Variants in EXOC6 observed in about 807,000 individuals in gnomAD.
EXOC6 encodes the protein SEC15-like 1.
Under a neutral mutation model 112.5 loss-of-function variants are expected in EXOC6, and 60 were observed. That is an observed-to-expected ratio of 0.53 (90% CI 0.43 to 0.66). The LOEUF (loss-of-function observed/expected upper bound fraction) is 0.66, where lower values mean the gene tolerates loss of function less well. EXOC6 is among the 30% of genes least tolerant of loss of function. EXOC6 has a pLI of 0.00. For synonymous variants in EXOC6, 295 were observed against 308.0 expected (o/e 0.96, Z 0.44); for missense variants, 855 against 957.1 (o/e 0.89, Z 1.41).
chr10:92,983,765 C>T (rs1364879506), intron 18 of EXOC6, among the ~76,000 whole-genome samples: 1 of 152,028 alleles, frequency 6.6e-6, no homozygotes, highest in Non-Finnish European at 1.5e-5. Flanking sequence ...CACTGGCCTC[C>T]CAAAGTGATA....
chr10:92,955,791 A>G (rs536315541), intron 17 of EXOC6, 77 bp downstream of exon 17: 2 of 1,316,192 alleles, frequency 1.5e-6, no homozygotes, highest in Non-Finnish European at 2.1e-6. Flanking sequence ...CCGTTCTTAT[A>G]TATGCAAGAT....
intron 1 of EXOC6, among the ~76,000 whole-genome samples, chr10:92,892,598 T>C (rs886901715): frequency 4.6e-5 from 7 of 152,176 alleles, no homozygotes; most frequent in Non-Finnish European, 1.0e-4. Flanking sequence ...GCCTTCCAGG[T>C]AAACAAAGAA....
At chr10:92,880,767 G>T (rs1439697872) in intron 1 of EXOC6, among the ~76,000 whole-genome samples, 1 of 151,970 alleles carries the variant, frequency 6.6e-6, no homozygotes, top group African/African-American at 2.4e-5. Flanking sequence ...TTTAAAATTA[G>T]TATTGAAGCA....
At chr10:92,902,077 CACAT>C (rs1386983114) in intron 5 of EXOC6, among the ~76,000 whole-genome samples, 1 of 150,874 alleles carries the variant, frequency 6.6e-6, no homozygotes, top group African/African-American at 2.5e-5. Context: ...TACACACACA[CACAT>C]ACACACACAC....
chr10:92,936,507 A>T lies in EXOC6; in HGVS notation c.1212+622A>T, dbSNP rs113728713. Among the ~76,000 whole-genome samples the T allele has an allele frequency of 5.6e-3, 859 of 152,336 alleles. 6 individuals carry two copies. Among genetic ancestry groups the T allele is most frequent in the African/African-American group, 0.02 (823 of 41,584 alleles). Reference sequence around the variant, plus strand: ...TTTTCTCTTTTTAAAAATAAGGAGGATTGTTTGAACCCAGGAGGTGGAGGT... The same window carrying T: ...TTTTCTCTTTTTAAAAATAAGGAGGTTTGTTTGAACCCAGGAGGTGGAGGT... On this transcript the variant is annotated intron_variant, in intron 12 of 21. Transcript: ENST00000260762.
At chr10:92,832,692 CT>C (rs11396161), upstream of EXOC6, among the ~76,000 whole-genome samples, 88 of 145,226 alleles carry the variant, frequency 6.1e-4, no homozygotes, top group Admixed American at 1.2e-3. Flanking sequence ...ACATAAAGAA[CT>C]TTTTTTTTTT....
intron 20 of EXOC6, among the ~76,000 whole-genome samples, chr10:93,038,368 G>C (rs1564930491): frequency 6.6e-6 from 1 of 152,132 alleles, no homozygotes; most frequent in Non-Finnish European, 1.5e-5. Flanking sequence ...TTTGAAAGCA[G>C]ATTGGCTACA....
At chr10:92,931,988 G>A (rs747375535) in intron 9 of EXOC6, among the ~76,000 whole-genome samples, 9 of 152,110 alleles carry the variant, frequency 5.9e-5, no homozygotes, top group Non-Finnish European at 1.0e-4. Flanking sequence ...ATATGTGAAT[G>A]TTTGTAGTAG....
At chr10:92,845,477 C>T (rs926776239), upstream of EXOC6, among the ~76,000 whole-genome samples, 7 of 145,148 alleles carry the variant, frequency 4.8e-5, no homozygotes, top group Non-Finnish European at 6.0e-5. Flanking sequence ...CGCTTGAAAG[C>T]GGGAGGCAGA....
intron 20 of EXOC6, among the ~76,000 whole-genome samples, chr10:93,036,521 G>A (rs999351452): frequency 6.6e-6 from 1 of 151,920 alleles, no homozygotes; most frequent in Non-Finnish European, 1.5e-5. Context: ...TGGACATTAT[G>A]GATTCTTTAG....
chr10:92,946,185 G>T (rs1032957817), intron 13 of EXOC6, among the ~76,000 whole-genome samples: 4 of 151,978 alleles, frequency 2.6e-5, no homozygotes, highest in Non-Finnish European at 4.4e-5. Context: ...AGTCCCAGCT[G>T]CTCAGGAGGC....
At position 92,954,681 on chromosome 10, in the gene EXOC6, C is replaced by T. The variant is rs1853595062; in HGVS notation, c.1578C>T (p.Thr526=). The change falls in exon 16 of 22, where the codon ACC becomes ACT. Residue 526 remains threonine, a synonymous_variant. Coordinates refer to ENST00000260762, the MANE Select transcript of EXOC6 (RefSeq NM_019053.6). ...GAAAATCAACAAATCTGCTGCTGACCAGAACTTTGAGTAGCTGTTTACTGA... is the reference window on the plus strand; with the variant it reads ...GAAAATCAACAAATCTGCTGCTGACTAGAACTTTGAGTAGCTGTTTACTGA... ...MLRKSTNLLL[T]RTLSSCLLNL... 2 of 1,609,636 alleles carry T rather than the reference C, an allele frequency of 1.2e-6. No individual in the cohort carries two copies. Among genetic ancestry groups the T allele is most frequent in the Non-Finnish European group, 1.7e-6 (2 of 1,177,474 alleles).
chr10:92,841,810 T>C (rs951872640), intron 1 of EXOC6, among the ~76,000 whole-genome samples: 4 of 152,218 alleles, frequency 2.6e-5, no homozygotes, highest in Non-Finnish European at 4.4e-5. Flanking sequence ...TAATTACTAA[T>C]AGAGCTGTTG....
At position 92,881,158 on chromosome 10, in the gene EXOC6, G is replaced by A. The variant is rs116606032; in HGVS notation, c.102-12191G>A. Among the ~76,000 whole-genome samples, 975 of 152,238 alleles carry A rather than the reference G, an allele frequency of 6.4e-3. 17 individuals carry two copies. Among genetic ancestry groups the A allele is most frequent in the African/African-American group, 0.022 (926 of 41,540 alleles). On this transcript the variant is annotated intron_variant, in intron 1 of 21. Transcript: ENST00000260762. ...GTTGCTGTGGCTGTCATTTGGGAGT[G>A]GCTACATGTGGCCTTTCCAGCTTGT...
chr10:92,964,258 A>G (rs1173432000), intron 17 of EXOC6, among the ~76,000 whole-genome samples: 1 of 151,778 alleles, frequency 6.6e-6, no homozygotes, highest in East Asian at 1.9e-4. Context: ...AAAAATTATA[A>G]TTTATTGGCT....
At chr10:92,936,643 A>G (rs192010802) in intron 12 of EXOC6, among the ~76,000 whole-genome samples, 62 of 152,346 alleles carry the variant, frequency 4.1e-4, no homozygotes, top group African/African-American at 1.4e-3. Context: ...TTTTCTTTTT[A>G]TTGGGAGTAA....
chr10:92,866,900 A>G (rs567549522), intron 1 of EXOC6, among the ~76,000 whole-genome samples: 2 of 152,140 alleles, frequency 1.3e-5, no homozygotes, highest in Non-Finnish European at 2.9e-5. Context: ...TTTTGGGGGA[A>G]TTTTACAAAT....
chr10:92,969,854 C>T (rs541044770), intron 17 of EXOC6, among the ~76,000 whole-genome samples: 3 of 152,090 alleles, frequency 2.0e-5, no homozygotes, highest in Non-Finnish European at 2.9e-5. Flanking sequence ...CCACCACGCC[C>T]GGCTAATTTT....
chr10:93,023,081 C>T (rs188309342), intron 20 of EXOC6, among the ~76,000 whole-genome samples: 126 of 145,034 alleles, frequency 8.7e-4, no homozygotes, highest in Admixed American at 6.3e-3. Context: ...GGCAAAAGAG[C>T]CCTTTTCATA....
Sources: gnomAD v4.1 joint callset for allele counts (sites outside exome capture counted in the v4.1 genomes callset) on GRCh38, gnomAD v4.1.1 for gene constraint, MANE v1.5 for transcripts, NCBI Gene and HGNC (gene_info 2026-07-23, HGNC 2026-07-21) for gene names.